ELAPOR1: variants seen among roughly 807,000 people sequenced by gnomAD.
ELAPOR1 encodes endosome-lysosome associated apoptosis and autophagy regulator 1, also known as endosome/lysosome-associated apoptosis and autophagy regulator 1.
In ELAPOR1, 77 loss-of-function variants were observed where a neutral mutation model predicts 119.7. The observed-to-expected ratio is 0.64, with a 90% confidence interval of 0.54 to 0.78. ELAPOR1 has a LOEUF of 0.78. Ranked by LOEUF, ELAPOR1 falls within the 30% of genes least tolerant of loss-of-function variation. The pLI, the probability that ELAPOR1 is intolerant of heterozygous loss-of-function variation, is 0.00. For synonymous variants in ELAPOR1, 481 were observed against 487.2 expected (o/e 0.99, Z 0.17); for missense variants, 1,115 against 1,270.4 (o/e 0.88, Z 1.86).
chr1:109,133,396 G>GA (rs1228052087), intron 1 of ELAPOR1, among the ~76,000 whole-genome samples: 3 of 151,646 alleles, frequency 2.0e-5, no homozygotes, highest in East Asian at 1.9e-4. Context: ...CACAGCCCAT[G>GA]AAAAAAAACA....
chr1:109,185,045 A>G lies in ELAPOR1; in HGVS notation c.953A>G (p.Glu318Gly), dbSNP rs1391263789. ...CHQCDPDKYS[E>G]KGSSSCNVRP... ...ATTTCTTCTTGCTTTGGCAATTTAG[A>G]GAAAGGATCTTCTTCCTGTAACGTG... Residue 318 changes from glutamate (E) to glycine (G), a missense_variant and splice_region_variant, in exon 8 of 22, where the codon GAG becomes GGG. Glu to Gly is a moderately conservative substitution (Grantham distance 98). Coordinates refer to ENST00000369939, the MANE Select transcript of ELAPOR1 (RefSeq NM_020775.5). 2 of 1,613,410 alleles carry G rather than the reference A, an allele frequency of 1.2e-6. No individual in the cohort carries two copies. The highest frequency in any genetic ancestry group is 3.3e-5 in the Admixed American group (2 of 60,024).
In ELAPOR1 at chr1:109,188,302, C is replaced by T. The variant is rs540533374; in HGVS notation, c.1167C>T (p.Thr389=). The change falls in exon 9 of 22, where the codon ACC becomes ACT. Residue 389 remains threonine (T), a synonymous_variant. Transcript: ENST00000369939. ...CPPCNPGFFK[T]NNSTCQPCPY... ...CCTGCAACCCAGGCTTCTTCAAAAC[C>T]AACAACAGCACCTGCCAGCCCTGCC... The T allele has an allele frequency of 1.1e-5, 17 of 1,614,184 alleles. No individual in the cohort carries two copies. The highest frequency in any genetic ancestry group is 8.8e-5 in the South Asian group (8 of 91,086).
chr1:109,121,965 G>T (rs1399051732), intron 1 of ELAPOR1, among the ~76,000 whole-genome samples: 1 of 151,560 alleles, frequency 6.6e-6, no homozygotes, highest in Non-Finnish European at 1.5e-5. Flanking sequence ...GTAGAGACAG[G>T]GTTACATCAT....
At chr1:109,116,971 G>C (rs148393430) in intron 1 of ELAPOR1, among the ~76,000 whole-genome samples, 1 of 152,208 alleles carries the variant, frequency 6.6e-6, no homozygotes, top group East Asian at 1.9e-4. Flanking sequence ...GACTGCAGGC[G>C]TGAGTCACTG....
At chr1:109,144,342 G>A (rs540609970) in intron 1 of ELAPOR1, among the ~76,000 whole-genome samples, 2 of 151,800 alleles carry the variant, frequency 1.3e-5, no homozygotes, top group African/African-American at 2.4e-5. Context: ...GTGAGCCATC[G>A]CACCCAGACT....
intron 1 of ELAPOR1, among the ~76,000 whole-genome samples, chr1:109,133,183 T>C (rs1672998913): frequency 6.6e-6 from 1 of 152,038 alleles, no homozygotes; most frequent in Admixed American, 6.6e-5. Flanking sequence ...TGAGCTCTGA[T>C]TGCACCACTG....
chr1:109,125,354 GA>G (rs1352661498), intron 1 of ELAPOR1, among the ~76,000 whole-genome samples: 1 of 151,760 alleles, frequency 6.6e-6, no homozygotes, highest in African/African-American at 2.4e-5. Flanking sequence ...TTACAGGTGT[GA>G]ACCAACATGC....
At chr1:109,168,157 C>G (rs1651707153) in intron 3 of ELAPOR1, among the ~76,000 whole-genome samples, 1 of 152,104 alleles carries the variant, frequency 6.6e-6, no homozygotes, top group Non-Finnish European at 1.5e-5. Flanking sequence ...ACTCTCTGTC[C>G]CCTCTTCTAT....
intron 7 of ELAPOR1, among the ~76,000 whole-genome samples, chr1:109,174,362 A>G: frequency 7.5e-6 from 1 of 133,472 alleles, no homozygotes; most frequent in East Asian, 2.4e-4. Context: ...TCAGTGAGCC[A>G]TGATCACACC....
chr1:109,147,899 G>A lies in ELAPOR1; in HGVS notation c.154-13995G>A, dbSNP rs909900296. Among the ~76,000 whole-genome samples the A allele has an allele frequency of 5.9e-5, 9 of 151,302 alleles. No individual in the cohort carries two copies. The East Asian group carries it at 9.6e-4, about 16-fold the overall frequency. ...GGCTGGAGTTCAGTGGCACCATCTC[G>A]TCTCACTGCAAGCTCTGCCTCCTGG... On this transcript the variant is annotated intron_variant, in intron 1 of 21. Coordinates refer to ENST00000369939, the MANE Select transcript of ELAPOR1 (RefSeq NM_020775.5).
intron 7 of ELAPOR1, among the ~76,000 whole-genome samples, chr1:109,181,128 G>A (rs1298786820): frequency 6.6e-6 from 1 of 152,186 alleles, no homozygotes; most frequent in Non-Finnish European, 1.5e-5. Context: ...CAGCGACACT[G>A]AGGAGCTTCA....
At chr1:109,161,324 C>A (rs1235444127) in intron 1 of ELAPOR1, among the ~76,000 whole-genome samples, 2 of 149,564 alleles carry the variant, frequency 1.3e-5, no homozygotes, top group Admixed American at 1.4e-4. Flanking sequence ...GCAGGAGAAT[C>A]GCTTGAACCC....
intron 8 of ELAPOR1, among the ~76,000 whole-genome samples, chr1:109,186,355 A>G (rs2477363): frequency 0.85 from 129,087 of 152,162 alleles, 55,117 homozygotes; most frequent in East Asian, 1. Context: ...GATTCTCAAG[A>G]GGATAGAACT....
intron 7 of ELAPOR1, among the ~76,000 whole-genome samples, chr1:109,183,341 AAAAAAAACAAAAAAAAGAG>A (rs1558057562): frequency 6.4e-5 from 3 of 47,048 alleles, no homozygotes; most frequent in Non-Finnish European, 1.1e-4. Flanking sequence ...AAAAAAAAAA[AAAAAAAACAAAAAAAAGAG>A]AGAGAGAGAG....
chr1:109,183,505 G>A (rs560955023), intron 7 of ELAPOR1, among the ~76,000 whole-genome samples: 1 of 152,294 alleles, frequency 6.6e-6, no homozygotes, highest in East Asian at 1.9e-4. Flanking sequence ...AACATGCAGA[G>A]AGCAGAAGAA....
At chr1:109,191,898 G>T in intron 13 of ELAPOR1, 35 bp downstream of exon 13, 1 of 1,612,412 alleles carries the variant, frequency 6.2e-7, no homozygotes, top group South Asian at 1.1e-5. Context: ...CCCCAGGAGA[G>T]ACCCTCTGAA....
In ELAPOR1 at chr1:109,144,061, A is replaced by ATATT; in HGVS notation, c.154-17832_154-17831insATTT. ...TATATATATATATATATATTTATAT[A>ATATT]TTTTTTTTTTTTTTTGAGATGGAGT... On this transcript the variant is annotated intron_variant, in intron 1 of 21. Coordinates refer to ENST00000369939, the MANE Select transcript of ELAPOR1 (RefSeq NM_020775.5). 1.7e-3 allele frequency among the ~76,000 whole-genome samples: 153 copies of ATATT among 88,962 alleles called. 9 individuals are homozygous for ATATT. Among genetic ancestry groups the ATATT allele is most frequent in the East Asian group, 0.012 (39 of 3,328 alleles). The allele number at this position is 88,962 out of a possible 152,430, so 58.4% of individuals were successfully genotyped here.
At chr1:109,125,866 G>T (rs1648746469) in intron 1 of ELAPOR1, among the ~76,000 whole-genome samples, 1 of 152,126 alleles carries the variant, frequency 6.6e-6, no homozygotes, top group African/African-American at 2.4e-5. Context: ...TTTATTCACA[G>T]AAATAGCATA....
At position 109,158,546 on chromosome 1, in the gene ELAPOR1, C is replaced by T. The variant is rs1222546532; in HGVS notation, c.154-3348C>T. 3.3e-5 allele frequency among the ~76,000 whole-genome samples: 5 copies of T among 152,064 alleles called. 1 individual carries two copies. Among genetic ancestry groups the T allele is most frequent in the Admixed American group, 2.6e-4 (4 of 15,256 alleles). ...ACGGAAGGATGCGCTAACTACAGTTCCCCACCCTCTCATTTCTAAACCCTT... is the reference window on the plus strand; with the variant it reads ...ACGGAAGGATGCGCTAACTACAGTTTCCCACCCTCTCATTTCTAAACCCTT... On this transcript the variant is annotated intron_variant, in intron 1 of 21. Coordinates refer to ENST00000369939, the MANE Select transcript of ELAPOR1 (RefSeq NM_020775.5).
Sources: gnomAD v4.1 joint callset for allele counts (sites outside exome capture counted in the v4.1 genomes callset) on GRCh38, gnomAD v4.1.1 for gene constraint, MANE v1.5 for transcripts, NCBI Gene and HGNC (gene_info 2026-07-23, HGNC 2026-07-21) for gene names.